ROCK1: variants seen among roughly 807,000 people sequenced by gnomAD.
ROCK1 encodes Rho associated coiled-coil containing protein kinase 1.
In ROCK1, 36 loss-of-function variants were observed where a neutral mutation model predicts 196.8. The observed-to-expected ratio is 0.18, with a 90% CI of 0.14 to 0.24. The LOEUF (loss-of-function observed/expected upper bound fraction) is 0.24, where lower values mean the gene tolerates loss of function less well. Ranked by LOEUF, ROCK1 falls within the 10% of genes least tolerant of loss-of-function variation. The probability of loss-of-function intolerance (pLI) is 1.00; values close to 1 mark genes in which losing one functional copy is unlikely to be tolerated. For synonymous variants in ROCK1, 443 were observed against 515.9 expected, an observed-to-expected ratio of 0.86 and a Z score of 1.91; for missense variants, 920 against 1,562.0, an observed-to-expected ratio of 0.59 and a Z score of 6.93.
At chr18:20,984,810 G>T (rs535432884) in intron 19 of ROCK1, among the ~76,000 whole-genome samples, 1 of 152,020 alleles carries the variant, frequency 6.6e-6, no homozygotes. Flanking sequence ...GTAGTACAAG[G>T]TGATTATAAA....
In ROCK1 at chr18:20,958,969, T is replaced by TATAATATATATATTTTATAAAAA. The variant is rs1199165260; in HGVS notation, c.3512+848_3512+870dup. On this transcript the variant is annotated intron_variant, in intron 29 of 32. Coordinates refer to ENST00000399799, the MANE Select transcript of ROCK1 (RefSeq NM_005406.3). ...TAATATATATATTTTATATAATATA[T>TATAATATATATATTTTATAAAAA]ATAATATATATATTTTATAAAAAAT... 4.3e-5 allele frequency among the ~76,000 whole-genome samples: 4 copies of TATAATATATATATTTTATAAAAA among 92,694 alleles called. No individual in the cohort carries two copies. In the South Asian group the frequency reaches 7.6e-4, roughly 18 times the overall value. The allele number at this position is 92,694 out of a possible 152,430, so 60.8% of individuals were successfully genotyped here. A position where few individuals can be genotyped will look rare whatever the true frequency, so the allele number is the denominator to read the frequency against.
chr18:21,077,275 G>A (rs1312770058), intron 1 of ROCK1, among the ~76,000 whole-genome samples: 1 of 152,128 alleles, frequency 6.6e-6, no homozygotes, highest in Non-Finnish European at 1.5e-5. Context: ...GCCCGGCCAA[G>A]GACAGTCTTA....
chr18:21,036,638 G>A (rs1317060991), intron 9 of ROCK1, among the ~76,000 whole-genome samples: 1 of 151,860 alleles, frequency 6.6e-6, no homozygotes, highest in Admixed American at 6.6e-5. Flanking sequence ...TATAGAGATA[G>A]GGTCTCGCAA....
chr18:21,111,090 G>T lies in ROCK1; in HGVS notation c.-180C>A. ...AGGGGACCTCCGCTCTCCAGACCCC[G>T]GGCCGGGGGCAACAGCGACCCACAG... On this transcript the variant is annotated 5_prime_UTR_variant, in exon 1 of 33. Coordinates refer to ENST00000399799, the MANE Select transcript of ROCK1 (RefSeq NM_005406.3). This position sits in a 1 kb window ranked among gnomAD's most constrained non-coding sequence, Gnocchi z 4.2. 1 of 600,496 alleles carries T rather than the reference G, an allele frequency of 1.7e-6. No homozygotes were observed. The highest frequency in any genetic ancestry group is 2.9e-6 in the Non-Finnish European group (1 of 339,574). 37.2% of individuals were successfully genotyped at this position (600,496 alleles called of 1,614,324 possible).
At chr18:21,036,750 C>T (rs74475139) in intron 9 of ROCK1, among the ~76,000 whole-genome samples, 17,338 of 152,018 alleles carry the variant, frequency 0.11, 1,739 homozygotes, top group African/African-American at 0.25. Flanking sequence ...CTGTAGAACA[C>T]TGTACAATAG....
chr18:21,069,760 T>G (rs2036367762), intron 2 of ROCK1, among the ~76,000 whole-genome samples: 1 of 152,154 alleles, frequency 6.6e-6, no homozygotes. Context: ...ATTTTACTGC[T>G]ATGTCCATAG....
At chr18:20,965,962 C>T (rs1476747775) in intron 27 of ROCK1, among the ~76,000 whole-genome samples, 2 of 152,154 alleles carry the variant, frequency 1.3e-5, no homozygotes, top group Non-Finnish European at 2.9e-5. Context: ...CTGAGTGACT[C>T]CTCTAGTTCC....
At chr18:21,110,348 T>C (rs2036739592) in intron 1 of ROCK1, among the ~76,000 whole-genome samples, 1 of 152,120 alleles carries the variant, frequency 6.6e-6, no homozygotes, top group Non-Finnish European at 1.5e-5. Context: ...ACTTCCTCAA[T>C]AGCAATTCTC....
chr18:21,002,573 G>A (rs1229825245), intron 16 of ROCK1, among the ~76,000 whole-genome samples: 1 of 152,032 alleles, frequency 6.6e-6, no homozygotes, highest in Non-Finnish European at 1.5e-5. Flanking sequence ...AATTGATGAG[G>A]AAATGTTCAT....
chr18:21,039,871 C>T (rs2036090009), intron 8 of ROCK1, among the ~76,000 whole-genome samples: 3 of 152,022 alleles, frequency 2.0e-5, no homozygotes, highest in Admixed American at 1.3e-4. Flanking sequence ...CCAGCCCAGC[C>T]AACACTGTGA....
chr18:21,108,908 A>C (rs1480037289), intron 1 of ROCK1, among the ~76,000 whole-genome samples: 1 of 152,176 alleles, frequency 6.6e-6, no homozygotes, highest in East Asian at 1.9e-4. Flanking sequence ...TTAGCCTACC[A>C]ATCAAATCCT....
intron 1 of ROCK1, among the ~76,000 whole-genome samples, chr18:21,084,216 A>G (rs1337378026): frequency 6.6e-6 from 1 of 151,440 alleles, no homozygotes; most frequent in Non-Finnish European, 1.5e-5. Context: ...ATTGAATTTG[A>G]CCATGATCTC....
chr18:21,059,216 G>C (rs2036269032), intron 2 of ROCK1, among the ~76,000 whole-genome samples: 1 of 152,040 alleles, frequency 6.6e-6, no homozygotes, highest in Non-Finnish European at 1.5e-5. Flanking sequence ...TCATCTCTCT[G>C]TGCCTTTCCA....
rs1452013094 is a variant in ROCK1 at position 21,111,248 on chromosome 18, G to A, written c.-338C>T. ...CCCCGGCCGCCGTCGCCATGGAGGG[G>A]TCCCCGTCCCGAGATGGGCAGGAGC... On this transcript the variant is annotated 5_prime_UTR_variant, in exon 1 of 33. Transcript: ENST00000399799. This position sits in a 1 kb window ranked among gnomAD's most constrained non-coding sequence, Gnocchi z 4.2. 1.5e-5 allele frequency: 7 copies of A among 482,134 alleles called. No homozygotes were observed. Among genetic ancestry groups the A allele is most frequent in the Admixed American group, 3.9e-5 (1 of 25,946 alleles). 29.9% of individuals were successfully genotyped at this position (482,134 alleles called of 1,614,324 possible). A position where few individuals can be genotyped will look rare whatever the true frequency, so the allele number is the denominator to read the frequency against.
chr18:21,087,672 G>C (rs2036538609), intron 1 of ROCK1, among the ~76,000 whole-genome samples: 1 of 151,564 alleles, frequency 6.6e-6, no homozygotes, highest in Admixed American at 6.6e-5. Flanking sequence ...TGCAACACAA[G>C]TGAAGCAAAA....
At chr18:21,020,380 T>C (rs961857544) in intron 11 of ROCK1, 141 bp from the exon 12 acceptor site, 7 of 455,342 alleles carry the variant, frequency 1.5e-5, no homozygotes, top group Non-Finnish European at 2.7e-5. Flanking sequence ...AATTTTTTTA[T>C]TATTAATTTA....
intron 1 of ROCK1, among the ~76,000 whole-genome samples, chr18:21,108,486 T>C (rs1224046858): frequency 1.1e-4 from 17 of 152,206 alleles, no homozygotes; most frequent in Non-Finnish European, 1.5e-5. Context: ...ATTGCTCCAC[T>C]ATCCCCTCAA....
chr18:20,992,215 G>A (rs1187810833), intron 17 of ROCK1, among the ~76,000 whole-genome samples: 1 of 152,108 alleles, frequency 6.6e-6, no homozygotes, highest in Admixed American at 6.6e-5. Flanking sequence ...GACAAAACAT[G>A]TCCAAAGGAC....
rs533851005 is a variant in ROCK1 at position 20,996,729 on chromosome 18, A to G, written c.1886-3792T>C. Among the ~76,000 whole-genome samples, 4 of 152,342 alleles carry G rather than the reference A, an allele frequency of 2.6e-5. No individual in the cohort carries two copies. The East Asian group carries it at 7.7e-4, about 29-fold the overall frequency. On this transcript the variant is annotated intron_variant, in intron 16 of 32. Coordinates refer to ENST00000399799, the MANE Select transcript of ROCK1 (RefSeq NM_005406.3). The stretch of plus-strand genomic sequence containing the variant: ...AAAGAACTGATCAAAAATAACAACT[A>G]TAATACTTTCCAAGAGGCAGTAAGA...
Sources: gnomAD v4.1 joint callset for allele counts (sites outside exome capture counted in the v4.1 genomes callset) on GRCh38, gnomAD v4.1.1 for gene constraint, Gnocchi (gnomAD v3.1) non-coding constraint, MANE v1.5 for transcripts, NCBI Gene and HGNC (gene_info 2026-07-23, HGNC 2026-07-21) for gene names.